The following PALD1 variants were observed in gnomAD, a reference collection of about 807,000 sequenced individuals.
PALD1 encodes paladin.
A neutral mutation model predicts 96.0 loss-of-function variants in PALD1; 57 were observed. That is an observed-to-expected ratio of 0.59 (90% CI 0.48 to 0.74). PALD1 has a LOEUF of 0.74. Among genes scored for constraint, PALD1 ranks in the 30% least tolerant of loss-of-function variants. The pLI, the probability that PALD1 is intolerant of heterozygous loss-of-function variation, is 0.00. For synonymous variants in PALD1, 464 were observed against 473.6 expected, an observed-to-expected ratio of 0.98 and a Z score of 0.26; for missense variants, 1,063 against 1,143.7, an observed-to-expected ratio of 0.93 and a Z score of 1.02.
chr10:70,563,664 A>G (rs1318601932), intron 18 of PALD1, among the ~76,000 whole-genome samples: 1 of 152,002 alleles, frequency 6.6e-6, no homozygotes, highest in Non-Finnish European at 1.5e-5. Flanking sequence ...CTTTATGTGT[A>G]CCCCTTTCAC....
intron 1 of PALD1, among the ~76,000 whole-genome samples, chr10:70,513,336 A>T (rs7902311): frequency 0.38 from 58,250 of 151,852 alleles, 11,272 homozygotes; most frequent in East Asian, 0.51. Flanking sequence ...CTCTGCAAAA[A>T]AAATAAATAA....
Position 70,567,757 on chromosome 10 carries a change from G to A in PALD1, c.*1024G>A, listed in dbSNP as rs1274935098. On this transcript the variant is annotated 3_prime_UTR_variant, in exon 20 of 20. Coordinates refer to ENST00000263563, the MANE Select transcript of PALD1 (RefSeq NM_014431.3). The stretch of plus-strand genomic sequence containing the variant: ...TTGAGCCTGCCTTCCGGTGGGAGCA[G>A]AAAAGGCCAGACCCTGCTGAGTTAG... The A allele has an allele frequency of 6.5e-6, 1 of 152,754 alleles. No homozygotes were observed. The highest frequency in any genetic ancestry group is 1.5e-5 in the Non-Finnish European group (1 of 68,146). 9.5% of individuals were successfully genotyped at this position (152,754 alleles called of 1,614,324 possible).
At chr10:70,547,832 G>A (rs1370353078) in intron 18 of PALD1, among the ~76,000 whole-genome samples, 1 of 152,084 alleles carries the variant, frequency 6.6e-6, no homozygotes, top group Non-Finnish European at 1.5e-5. Context: ...TCCCAGACAG[G>A]AGTCAGGTAG....
At chr10:70,472,752 G>C in the PALD1 span, among the ~76,000 whole-genome samples, 620 of 152,224 alleles carry the variant, frequency 4.1e-3, 2 homozygotes, top group African/African-American at 0.014. Flanking sequence ...TCTGACGGCA[G>C]TAGTGGTGGG....
intron 1 of PALD1, among the ~76,000 whole-genome samples, chr10:70,482,212 C>T (rs1489462115): frequency 6.6e-6 from 1 of 152,216 alleles, no homozygotes; most frequent in Non-Finnish European, 1.5e-5. Context: ...TCGGTGCCCA[C>T]TAGTCCCTCC....
At chr10:70,554,712 C>G (rs61857122) in intron 18 of PALD1, among the ~76,000 whole-genome samples, 81,220 of 151,542 alleles carry the variant, frequency 0.54, 22,351 homozygotes, top group Middle Eastern at 0.66. Context: ...CTGGGCTTTG[C>G]CTGGTGACGT....
At chr10:70,560,050 G>A (rs1267819603) in intron 18 of PALD1, among the ~76,000 whole-genome samples, 3 of 152,214 alleles carry the variant, frequency 2.0e-5, no homozygotes, top group African/African-American at 7.2e-5. Flanking sequence ...GTTTATGGTT[G>A]TTTTGAGACA....
the PALD1 span, among the ~76,000 whole-genome samples, chr10:70,462,047 C>T: frequency 6.6e-6 from 1 of 152,246 alleles, no homozygotes; most frequent in African/African-American, 2.4e-5. Flanking sequence ...CCCACCTCAG[C>T]TTCCCATAGT....
the PALD1 span, among the ~76,000 whole-genome samples, chr10:70,464,424 G>T: frequency 1.3e-5 from 2 of 151,822 alleles, no homozygotes; most frequent in Non-Finnish European, 2.9e-5. Flanking sequence ...ATGTTGGCCA[G>T]GCTGGTCTCG....
At chr10:70,507,477 T>G (rs1271441286) in intron 1 of PALD1, among the ~76,000 whole-genome samples, 1 of 152,062 alleles carries the variant, frequency 6.6e-6, no homozygotes, top group Non-Finnish European at 1.5e-5. Flanking sequence ...CAGGCTGGAG[T>G]GCAGTGGTGC....
At chr10:70,564,746 T>C (rs900596874) in intron 19 of PALD1, among the ~76,000 whole-genome samples, 10 of 152,182 alleles carry the variant, frequency 6.6e-5, no homozygotes, top group African/African-American at 2.4e-4. Context: ...ATGAGTTTGA[T>C]GAATGAACAA....
chr10:70,505,465 A>G (rs902351980), intron 1 of PALD1, among the ~76,000 whole-genome samples: 1 of 152,128 alleles, frequency 6.6e-6, no homozygotes, highest in Non-Finnish European at 1.5e-5. Flanking sequence ...TTAGCCGGGC[A>G]TGGTGGTGCA....
At chr10:70,458,714 C>G in the PALD1 span, among the ~76,000 whole-genome samples, 2 of 152,226 alleles carry the variant, frequency 1.3e-5, no homozygotes, top group African/African-American at 4.8e-5. Flanking sequence ...CCTGCCCAGG[C>G]CCTGTGGTCG....
At chr10:70,544,215 A>G (rs569386773) in intron 17 of PALD1, among the ~76,000 whole-genome samples, 1 of 152,248 alleles carries the variant, frequency 6.6e-6, no homozygotes, top group African/African-American at 2.4e-5. Context: ...TTTGGGGAAG[A>G]TGAGTGAGTA....
At position 70,547,226 on chromosome 10, in the gene PALD1, T is replaced by C. The variant is rs1409873510; in HGVS notation, c.2122-80T>C. On this transcript the variant is annotated intron_variant, in intron 17 of 19. Transcript: ENST00000263563. ...GGGCCTTAGGCCTGGTGTGGCCTTT[T>C]GGTGAGGGTGCAAGCCTGGTGCTTG... 8.8e-6 allele frequency: 12 copies of C among 1,355,986 alleles called. No homozygotes were observed. In the South Asian group the frequency reaches 9.5e-5, roughly 11 times the overall value. The allele number at this position is 1,355,986 out of a possible 1,614,324, so 84.0% of individuals were successfully genotyped here. A position where few individuals can be genotyped will look rare whatever the true frequency, so the allele number is the denominator to read the frequency against.
chr10:70,493,905 T>C (rs555448672), intron 1 of PALD1, among the ~76,000 whole-genome samples: 146 of 152,302 alleles, frequency 9.6e-4, no homozygotes, highest in Non-Finnish European at 1.1e-3. Context: ...TAGCAGACCT[T>C]GTCAGAACTT....
intron 1 of PALD1, among the ~76,000 whole-genome samples, chr10:70,490,476 C>T (rs1002937726): frequency 6.6e-6 from 1 of 152,188 alleles, no homozygotes; most frequent in Non-Finnish European, 1.5e-5. Flanking sequence ...AAAACAACAA[C>T]AAACCCCTCA....
chr10:70,473,903 T>A (rs893105621), upstream of PALD1, among the ~76,000 whole-genome samples: 19 of 109,728 alleles, frequency 1.7e-4, 1 homozygote, highest in East Asian at 5.1e-3. Flanking sequence ...CCCCCCCCCC[T>A]CAGCCTCCCA....
chr10:70,483,923 T>G (rs1306662208), intron 1 of PALD1, among the ~76,000 whole-genome samples: 1 of 152,200 alleles, frequency 6.6e-6, no homozygotes. Flanking sequence ...GTACAACACA[T>G]TCTGCAACTG....
Sources: allele counts gnomAD v4.1 joint callset (sites outside exome capture counted in the v4.1 genomes callset), GRCh38; gene constraint gnomAD v4.1.1; transcripts MANE v1.5; gene names NCBI Gene and HGNC (gene_info 2026-07-23, HGNC 2026-07-21).